The following TRIM44 variants were observed in gnomAD, a reference collection of about 807,000 sequenced individuals.
The protein encoded by TRIM44 is tripartite motif containing 44.
In TRIM44, 13 loss-of-function variants were observed where a neutral mutation model predicts 37.4. The ratio of observed to expected loss-of-function variants is 0.35; its 90% CI spans 0.23 to 0.55. The LOEUF is 0.55. TRIM44 is among the 20% of genes least tolerant of loss of function. The probability of loss-of-function intolerance (pLI) is 0.89; values close to 1 mark genes in which losing one functional copy is unlikely to be tolerated. For synonymous variants in TRIM44, 175 were observed against 157.2 expected (o/e 1.11, Z -0.85); for missense variants, 426 against 437.2 (o/e 0.97, Z 0.23).
At chr11:35,803,012 G>C (rs1853390117) in intron 4 of TRIM44, among the ~76,000 whole-genome samples, 1 of 152,144 alleles carries the variant, frequency 6.6e-6, no homozygotes, top group South Asian at 2.1e-4. Context: ...GGTTGAGGAA[G>C]AAGGGTAACA....
rs142157156 is a variant in TRIM44, at chr11:35,738,901, A to G, written c.1007+3456A>G. On this transcript the variant is annotated intron_variant, in intron 4 of 4. Transcript: ENST00000299413. ...ACACAGCCACTTCTCTACTGCCTAC[A>G]TAGAAGTTCAAAGAGAATTAGATTC... Among the ~76,000 whole-genome samples the G allele has an allele frequency of 4.2e-3, 637 of 152,296 alleles. 2 individuals carry two copies. Among genetic ancestry groups the G allele is most frequent in the Non-Finnish European group, 6.6e-3 (449 of 68,028 alleles).
chr11:35,745,308 G>T (rs1341597516), intron 4 of TRIM44, among the ~76,000 whole-genome samples: 1 of 152,056 alleles, frequency 6.6e-6, no homozygotes, highest in Non-Finnish European at 1.5e-5. Context: ...TTGTTTGTTG[G>T]CTACTTGTAT....
At chr11:35,760,855 C>T (rs1220861442) in intron 4 of TRIM44, among the ~76,000 whole-genome samples, 1 of 152,142 alleles carries the variant, frequency 6.6e-6, no homozygotes, top group East Asian at 1.9e-4. Context: ...TCTATAGTCA[C>T]CATGGTGTAG....
intron 4 of TRIM44, among the ~76,000 whole-genome samples, chr11:35,748,210 G>A (rs758371755): frequency 2.0e-4 from 31 of 152,174 alleles, no homozygotes; most frequent in Non-Finnish European, 3.8e-4. Context: ...TCTAAACTCT[G>A]CAGGAGGGAT....
chr11:35,817,058 T>C lies in TRIM44; in HGVS notation c.*10673T>C, dbSNP rs1371461451. The C allele has an allele frequency of 6.6e-6, 1 of 152,238 alleles. No homozygotes were observed. Among genetic ancestry groups the C allele is most frequent in the Non-Finnish European group, 1.5e-5 (1 of 68,046 alleles). 9.4% of individuals were successfully genotyped at this position (152,238 alleles called of 1,614,324 possible). On this transcript the variant is annotated 3_prime_UTR_variant, in exon 5 of 5. Transcript: ENST00000299413. ...GTCTGTAACTCTTTGAAGGTTGTAT[T>C]AGTCGTTTGCTCCTATATTACTAAT...
intron 2 of TRIM44, among the ~76,000 whole-genome samples, chr11:35,705,324 C>T (rs1799433524): frequency 6.6e-6 from 1 of 152,134 alleles, no homozygotes; most frequent in Admixed American, 6.5e-5. Context: ...GAGACTTTAA[C>T]ACCCCACTGT....
chr11:35,707,311 T>C (rs947632639), intron 2 of TRIM44, among the ~76,000 whole-genome samples: 13 of 152,274 alleles, frequency 8.5e-5, no homozygotes, highest in Non-Finnish European at 1.6e-4. Context: ...GTAGGAAGAA[T>C]CAATATCGTG....
chr11:35,789,903 C>T lies in TRIM44; in HGVS notation c.1008-16455C>T, dbSNP rs114145643. Among the ~76,000 whole-genome samples, 306 of 152,150 alleles carry T rather than the reference C, an allele frequency of 2.0e-3. 2 individuals are homozygous for T. Among genetic ancestry groups the T allele is most frequent in the African/African-American group, 6.9e-3 (286 of 41,508 alleles). On this transcript the variant is annotated intron_variant, in intron 4 of 4. Transcript: ENST00000299413. ...ACGATAGATTTCTATTGAAATCTAT[C>T]GTGAATACATCTTATGACACTTGAT...
At chr11:35,783,620 C>T (rs181550075) in intron 4 of TRIM44, among the ~76,000 whole-genome samples, 20 of 152,300 alleles carry the variant, frequency 1.3e-4, no homozygotes, top group Admixed American at 7.2e-4. Context: ...ATTGCCCAGG[C>T]TCCCATTACT....
intron 2 of TRIM44, among the ~76,000 whole-genome samples, chr11:35,703,507 C>T (rs1851827712): frequency 6.6e-6 from 1 of 152,176 alleles, no homozygotes; most frequent in African/African-American, 2.4e-5. Context: ...CTGGGAGGCA[C>T]CCCCCAGTAG....
In TRIM44 at chr11:35,782,367, A is replaced by T. The variant is rs1459864594; in HGVS notation, c.1008-23991A>T. Among the ~76,000 whole-genome samples the T allele has an allele frequency of 3.9e-5, 6 of 152,192 alleles. No individual in the cohort carries two copies. In the East Asian group the frequency reaches 1.2e-3, roughly 29 times the overall value. On this transcript the variant is annotated intron_variant, in intron 4 of 4. Coordinates refer to ENST00000299413, the MANE Select transcript of TRIM44 (RefSeq NM_017583.6). ...TATAGGGCTTTTAATTCTCCAGAGT[A>T]CTTACTCATTGTATTAGTTAGAATT...
At chr11:35,664,002 A>G (rs753663089) in intron 1 of TRIM44, among the ~76,000 whole-genome samples, 7 of 152,166 alleles carry the variant, frequency 4.6e-5, no homozygotes, top group Non-Finnish European at 1.0e-4. Context: ...AAAATCTAGT[A>G]TACAATTTCT....
intron 4 of TRIM44, 115 bp from the exon 5 acceptor site, chr11:35,806,243 G>A: frequency 8.6e-7 from 1 of 1,163,236 alleles, no homozygotes; most frequent in Admixed American, 1.8e-5. Context: ...AATCATGGTA[G>A]TTAAGACTTA....
intron 2 of TRIM44, among the ~76,000 whole-genome samples, chr11:35,712,225 G>C (rs565933804): frequency 6.6e-6 from 1 of 152,228 alleles, no homozygotes; most frequent in Non-Finnish European, 1.5e-5. Context: ...CCAATAGAAA[G>C]AAGAAATCAA....
intron 4 of TRIM44, among the ~76,000 whole-genome samples, chr11:35,757,105 A>G (rs1476226777): frequency 6.6e-6 from 1 of 152,210 alleles, no homozygotes; most frequent in Non-Finnish European, 1.5e-5. Context: ...TACCTCTGGT[A>G]GAATTCAGCT....
intron 2 of TRIM44, among the ~76,000 whole-genome samples, chr11:35,724,067 C>A (rs1364278051): frequency 6.6e-6 from 1 of 152,142 alleles, no homozygotes. Flanking sequence ...AGAGCACCTG[C>A]AGAGAGTATA....
At chr11:35,777,049 G>C (rs1178789961) in intron 4 of TRIM44, among the ~76,000 whole-genome samples, 1 of 152,186 alleles carries the variant, frequency 6.6e-6, no homozygotes, top group Admixed American at 6.5e-5. Context: ...AATGTTGACA[G>C]TGGGGTGTTA....
intron 4 of TRIM44, among the ~76,000 whole-genome samples, chr11:35,765,250 C>T (rs1852781843): frequency 6.6e-6 from 1 of 152,070 alleles, no homozygotes; most frequent in South Asian, 2.1e-4. Context: ...TGAGGCACAA[C>T]AGAGAAAAAG....
chr11:35,703,251 C>T lies in TRIM44; in HGVS notation c.747+17915C>T, dbSNP rs185878174. Among the ~76,000 whole-genome samples the T allele has an allele frequency of 5.9e-3, 893 of 152,274 alleles. 7 individuals carry two copies. Among genetic ancestry groups the T allele is most frequent in the African/African-American group, 0.02 (840 of 41,546 alleles). ...GGCTTGGTTAGGTAAACAAAGCAGCCGGGAAGCTTGAACTGGGTGGAGCCC... is the reference window on the plus strand; with the variant it reads ...GGCTTGGTTAGGTAAACAAAGCAGCTGGGAAGCTTGAACTGGGTGGAGCCC... On this transcript the variant is annotated intron_variant, in intron 2 of 4. Transcript: ENST00000299413.
Sources: gnomAD v4.1 joint callset for allele counts (sites outside exome capture counted in the v4.1 genomes callset) on GRCh38, gnomAD v4.1.1 for gene constraint, MANE v1.5 for transcripts, NCBI Gene and HGNC (gene_info 2026-07-23, HGNC 2026-07-21) for gene names.